Variants in NLGN1 observed in about 807,000 individuals in gnomAD.
NLGN1 encodes neuroligin-1.
Under a neutral mutation model 65.5 loss-of-function variants are expected in NLGN1, and 12 were observed. The observed-to-expected ratio is 0.18, with a 90% CI of 0.12 to 0.30. The LOEUF (loss-of-function observed/expected upper bound fraction) is 0.30. NLGN1 is among the 10% of genes least tolerant of loss of function. The pLI, the probability that NLGN1 is intolerant of heterozygous loss-of-function variation, is 1.00. For missense variants in NLGN1, 750 were observed against 1,007.1 expected (o/e 0.74, Z 3.46); for synonymous variants, 350 against 359.5 (o/e 0.97, Z 0.30).
intron 3 of NLGN1, among the ~76,000 whole-genome samples, chr3:173,688,802 G>A (rs1367634074): frequency 1.3e-5 from 2 of 152,124 alleles, no homozygotes; most frequent in Non-Finnish European, 2.9e-5. Flanking sequence ...TCTTCAAAAT[G>A]TCATGGACAA....
chr3:174,060,879 G>A (rs1737252087), intron 4 of NLGN1, among the ~76,000 whole-genome samples: 1 of 152,026 alleles, frequency 6.6e-6, no homozygotes, highest in Non-Finnish European at 1.5e-5. Context: ...CACTTAAGGA[G>A]CCATTTAGAA....
At chr3:174,265,493 C>T (rs993547048) in intron 4 of NLGN1, among the ~76,000 whole-genome samples, 3 of 152,040 alleles carry the variant, frequency 2.0e-5, no homozygotes, top group African/African-American at 7.2e-5. Context: ...AACTCCCTGA[C>T]GCCTTGCGCT....
chr3:173,509,202 A>C (rs1480732994), intron 2 of NLGN1, among the ~76,000 whole-genome samples: 1 of 152,180 alleles, frequency 6.6e-6, no homozygotes, highest in African/African-American at 2.4e-5. Flanking sequence ...AAATTCTAAC[A>C]TAACCTATTC....
At chr3:173,719,249 CT>C (rs1329823842) in intron 3 of NLGN1, among the ~76,000 whole-genome samples, 2 of 152,184 alleles carry the variant, frequency 1.3e-5, no homozygotes, top group East Asian at 3.9e-4. Flanking sequence ...ATTTTGATCT[CT>C]GATTTTCCTC....
At chr3:173,637,708 T>C (rs1208151815) in intron 3 of NLGN1, among the ~76,000 whole-genome samples, 1 of 152,138 alleles carries the variant, frequency 6.6e-6, no homozygotes, top group East Asian at 1.9e-4. Context: ...CTTTACAACA[T>C]AGAATTGAGC....
chr3:174,155,341 A>G (rs1487135003), intron 4 of NLGN1, among the ~76,000 whole-genome samples: 2 of 151,626 alleles, frequency 1.3e-5, no homozygotes, highest in East Asian at 3.9e-4. Context: ...AGGCTACAGT[A>G]TTTGAAATTT....
intron 3 of NLGN1, among the ~76,000 whole-genome samples, chr3:173,691,697 G>A (rs1560178569): frequency 2.0e-5 from 3 of 151,918 alleles, no homozygotes; most frequent in Admixed American, 1.3e-4. Context: ...CTTGCATCAC[G>A]TTTTTTTCTG....
At chr3:173,421,917 C>T (rs1321768166) in intron 1 of NLGN1, among the ~76,000 whole-genome samples, 1 of 152,076 alleles carries the variant, frequency 6.6e-6, no homozygotes, top group East Asian at 1.9e-4. Flanking sequence ...TATACCTCAA[C>T]ACTTTTTAAT....
At chr3:174,020,682 T>C (rs1049014780) in intron 4 of NLGN1, among the ~76,000 whole-genome samples, 19 of 152,134 alleles carry the variant, frequency 1.2e-4, no homozygotes, top group Admixed American at 1.1e-3. Flanking sequence ...TGGCTTGTTG[T>C]TGAATCACTG....
intron 4 of NLGN1, among the ~76,000 whole-genome samples, chr3:174,263,560 A>G (rs1483288473): frequency 6.6e-6 from 1 of 151,648 alleles, no homozygotes; most frequent in Non-Finnish European, 1.5e-5. Context: ...ATCCTTTTAT[A>G]TTGAGCCTAT....
At position 173,982,189 on chromosome 3, in the gene NLGN1, C is replaced by T. The variant is rs112182679; in HGVS notation, c.646+174357C>T. Among the ~76,000 whole-genome samples the T allele has an allele frequency of 5.4e-3, 820 of 152,148 alleles. 6 individuals carry two copies. The highest frequency in any genetic ancestry group is 0.018 in the African/African-American group (752 of 41,546). On this transcript the variant is annotated intron_variant, in intron 4 of 6. Transcript: ENST00000457714. ...CCATCAGCTTTATTCTAACCATTAA[C>T]GTGTGCCTTTCTTTGGTTTGGTATA...
chr3:173,861,515 CGT>C (rs145812733), intron 4 of NLGN1, among the ~76,000 whole-genome samples: 19,020 of 141,186 alleles, frequency 0.13, 1,432 homozygotes, highest in Admixed American at 0.23. Flanking sequence ...GTAGCTGGCA[CGT>C]GTGTGTGTGT....
intron 2 of NLGN1, among the ~76,000 whole-genome samples, chr3:173,484,692 G>T (rs1047851805): frequency 6.6e-6 from 1 of 151,796 alleles, no homozygotes; most frequent in African/African-American, 2.4e-5. Context: ...ATCAAGACTG[G>T]TAAAAATTTA....
At chr3:174,181,976 C>CAAA (rs551914698) in intron 4 of NLGN1, among the ~76,000 whole-genome samples, 1,753 of 44,302 alleles carry the variant, frequency 0.04, 123 homozygotes, top group African/African-American at 0.082. Context: ...GACTTGGTGT[C>CAAA]AAAAAAAAAA....
chr3:173,947,087 GT>G (rs1747321004), intron 4 of NLGN1, among the ~76,000 whole-genome samples: 1 of 137,772 alleles, frequency 7.3e-6, no homozygotes, highest in African/African-American at 2.7e-5. Context: ...TTGAGACAGA[GT>G]TTCACTCTTG....
chr3:173,887,444 A>T (rs1027163059), intron 4 of NLGN1, among the ~76,000 whole-genome samples: 1 of 151,936 alleles, frequency 6.6e-6, no homozygotes, highest in African/African-American at 2.4e-5. Flanking sequence ...TGCTTGGTGA[A>T]TTTTTTTCTA....
intron 4 of NLGN1, among the ~76,000 whole-genome samples, chr3:174,255,635 T>TATTTA (rs1163002701): frequency 3.0e-5 from 3 of 101,426 alleles, no homozygotes; most frequent in Non-Finnish European, 5.9e-5. Context: ...CTTTCTTTTC[T>TATTTA]TCTATTTATT....
chr3:174,011,866 AATT>A (rs67970083), intron 4 of NLGN1, among the ~76,000 whole-genome samples: 37,977 of 151,922 alleles, frequency 0.25, 5,388 homozygotes, highest in African/African-American at 0.38. Context: ...TGGAATTTAT[AATT>A]ATTTCTCATA....
In NLGN1 at chr3:174,272,057, A is replaced by AATT. The variant is rs1304213783; in HGVS notation, c.647-3256_647-3254dup. ...TAATATGTCAATGTGTTACAATAAT[A>AATT]ATTAGTCACACATCCCAGGAACTTA... is the stretch of plus-strand genomic sequence containing the variant. On this transcript the variant is annotated intron_variant, in intron 4 of 6. Transcript: ENST00000457714. 7.9e-4 allele frequency among the ~76,000 whole-genome samples: 120 copies of AATT among 151,690 alleles called. 3 individuals carry two copies. Among genetic ancestry groups the AATT allele is most frequent in the Admixed American group, 2.6e-4 (4 of 15,172 alleles).
Sources: allele counts gnomAD v4.1 joint callset (sites outside exome capture counted in the v4.1 genomes callset), GRCh38; gene constraint gnomAD v4.1.1; transcripts MANE v1.5; gene names NCBI Gene and HGNC (gene_info 2026-07-23, HGNC 2026-07-21).